The following CSMD3 variants were observed in gnomAD, a reference collection of about 807,000 sequenced individuals.
The protein encoded by CSMD3 is CUB and Sushi multiple domains 3.
CSMD3 carries 177 observed loss-of-function variants against 435.2 expected under a neutral mutation model. That is an observed-to-expected ratio of 0.41 (90% confidence interval 0.36 to 0.46). The LOEUF is 0.46. Ranked by LOEUF, CSMD3 falls within the 20% of genes least tolerant of loss-of-function variation. The probability of loss-of-function intolerance (pLI) is 0.34; values close to 1 mark genes in which losing one functional copy is unlikely to be tolerated. For synonymous variants in CSMD3, 1,656 were observed against 1,520.5 expected, an observed-to-expected ratio of 1.09 and a Z score of -2.07; for missense variants, 4,265 against 4,504.6, an observed-to-expected ratio of 0.95 and a Z score of 1.52.
chr8:112,645,054 A>G, intron 20 of CSMD3, 55 bp downstream of exon 20: 1 of 898,536 alleles, frequency 1.1e-6, no homozygotes, highest in Non-Finnish European at 1.9e-6. Context: ...AAATAAGAAT[A>G]GACTCAATGA....
rs557032105 is a variant in CSMD3, at chr8:112,336,793, G to A, written c.6878C>T (p.Thr2293Ile). The A allele has an allele frequency of 1.2e-6, 2 of 1,613,506 alleles. No individual in the cohort carries two copies. The highest frequency in any genetic ancestry group is 2.7e-5 in the African/African-American group (2 of 75,026). Reference sequence around the variant, plus strand: ...ATCAGGATACCCAGGAGAATAAATGGTGCCATTCATTGCAGTTATATTCCC... The same window carrying A: ...ATCAGGATACCCAGGAGAATAAATGATGCCATTCATTGCAGTTATATTCCC... ...CGGNITAMNGTIYSPGYPDEY... is the reference protein window; with the variant it reads ...CGGNITAMNGIIYSPGYPDEY... Residue 2293 changes from threonine (T) to isoleucine (I), a missense_variant, in exon 44 of 71, where the codon ACC (threonine) becomes ATC (isoleucine). Thr to Ile is a moderately conservative substitution (Grantham distance 89). Transcript: ENST00000297405.
chr8:112,880,219 T>A (rs967856534), intron 10 of CSMD3, among the ~76,000 whole-genome samples: 1 of 152,098 alleles, frequency 6.6e-6, no homozygotes, highest in South Asian at 2.1e-4. Flanking sequence ...TCTTTCTTTC[T>A]AGAAAAAATC....
At chr8:112,949,828 G>A (rs1400217598) in intron 8 of CSMD3, among the ~76,000 whole-genome samples, 1 of 151,942 alleles carries the variant, frequency 6.6e-6, no homozygotes, top group Admixed American at 6.6e-5. Context: ...CCCGTTGTCT[G>A]TTCGCTGTTC....
At chr8:112,323,629 A>G (rs993416862) in intron 45 of CSMD3, among the ~76,000 whole-genome samples, 3 of 152,098 alleles carry the variant, frequency 2.0e-5, no homozygotes, top group Admixed American at 2.0e-4. Context: ...AAGGAATGCC[A>G]AAGATTGCTT....
intron 6 of CSMD3, 179 bp downstream of exon 6, chr8:113,018,888 A>G (rs2086575278): frequency 1.6e-6 from 1 of 606,682 alleles, no homozygotes; most frequent in Admixed American, 2.8e-5. Flanking sequence ...AAAATCAACT[A>G]ACTTTAATAC....
intron 30 of CSMD3, among the ~76,000 whole-genome samples, chr8:112,495,765 G>A (rs1586515166): frequency 1.3e-5 from 2 of 152,028 alleles, no homozygotes; most frequent in East Asian, 3.9e-4. Flanking sequence ...CTGCTTAATA[G>A]TGATTTGCCT....
chr8:112,622,681 T>C (rs1337069463), intron 22 of CSMD3, among the ~76,000 whole-genome samples: 1 of 152,170 alleles, frequency 6.6e-6, no homozygotes, highest in Non-Finnish European at 1.5e-5. Flanking sequence ...GATGTAAAAG[T>C]AACGCAATGA....
intron 32 of CSMD3, among the ~76,000 whole-genome samples, chr8:112,445,762 C>A (rs1815532859): frequency 6.6e-6 from 1 of 152,076 alleles, no homozygotes; most frequent in African/African-American, 2.4e-5. Context: ...GTGGTACAGC[C>A]TAAAAGCAAC....
chr8:112,866,774 T>A (rs1279959876), intron 10 of CSMD3, among the ~76,000 whole-genome samples: 1 of 152,200 alleles, frequency 6.6e-6, no homozygotes, highest in East Asian at 1.9e-4. Context: ...TAAACTATAA[T>A]TCTTCTGCTG....
At chr8:112,800,058 TGTTCTGCAAA>T in intron 13 of CSMD3, 94 bp downstream of exon 13, 1 of 748,128 alleles carries the variant, frequency 1.3e-6, no homozygotes, top group South Asian at 1.4e-5. Context: ...ATGTAGCATG[TGTTCTGCAAA>T]ACTTTTAATT....
At chr8:112,265,660 T>C (rs2130418964) in intron 59 of CSMD3, 70 bp from the exon 60 acceptor site, 4 of 1,010,042 alleles carry the variant, frequency 4.0e-6, no homozygotes, top group Non-Finnish European at 6.3e-6. Context: ...GTAGTAAGCA[T>C]ATGGCATACT....
intron 10 of CSMD3, among the ~76,000 whole-genome samples, chr8:112,862,383 G>T (rs2080851753): frequency 1.3e-5 from 2 of 151,868 alleles, no homozygotes; most frequent in Admixed American, 1.3e-4. Context: ...GTACATATAG[G>T]TTTTTTTCTT....
At chr8:112,970,381 G>A (rs1344873429) in intron 7 of CSMD3, among the ~76,000 whole-genome samples, 1 of 126,982 alleles carries the variant, frequency 7.9e-6, no homozygotes, top group Admixed American at 1.0e-4. Context: ...GGGTGACAGA[G>A]CTAGACTCCC....
chr8:112,671,817 A>G (rs972459978), intron 16 of CSMD3, among the ~76,000 whole-genome samples: 4 of 152,148 alleles, frequency 2.6e-5, no homozygotes, highest in African/African-American at 9.7e-5. Context: ...TGGTTTAGTG[A>G]AGACAGAAAT....
At chr8:112,808,989 T>C (rs1031488807) in intron 12 of CSMD3, among the ~76,000 whole-genome samples, 8 of 152,134 alleles carry the variant, frequency 5.3e-5, no homozygotes, top group African/African-American at 1.7e-4. Context: ...GATTAGGCAA[T>C]ATACTGGATA....
At chr8:112,464,401 T>G (rs1040779477) in intron 32 of CSMD3, among the ~76,000 whole-genome samples, 11 of 152,088 alleles carry the variant, frequency 7.2e-5, no homozygotes, top group Non-Finnish European at 1.0e-4. Flanking sequence ...TTCTTAAACC[T>G]TATAAAGCAA....
chr8:113,361,248 T>C (rs967173187), intron 1 of CSMD3, among the ~76,000 whole-genome samples: 3 of 152,166 alleles, frequency 2.0e-5, no homozygotes, highest in Non-Finnish European at 4.4e-5. Context: ...TGTTACACTT[T>C]TGCATTTTAA....
rs1214382466 is a variant in CSMD3 at position 113,098,939 on chromosome 8, A to G, written c.734T>C (p.Met245Thr). ...CRAEDACGGT[M>T]RGSSGIISSP... The stretch of plus-strand genomic sequence containing the variant: ...GGATATGATGCCACTGGATCCTCTC[A>G]TTGTTCCTCCACAAGCATCTTCAGC... Residue 245 changes from methionine (M) to threonine (T), a missense_variant, in exon 5 of 71, where the codon ATG becomes ACG. Physicochemically the swap from Met to Thr is moderately conservative, Grantham distance 81. Around this residue, in one of 3 missense-constraint regions of CSMD3, gnomAD observed 731 missense variants for 755.4 expected, o/e 0.97. Coordinates refer to ENST00000297405, the MANE Select transcript of CSMD3 (RefSeq NM_198123.2). 12 of 1,611,112 alleles carry G rather than the reference A, an allele frequency of 7.4e-6. No homozygotes were observed. Among genetic ancestry groups the G allele is most frequent in the Non-Finnish European group, 9.3e-6 (11 of 1,177,576 alleles).
At chr8:112,369,053 A>C (rs2131164546) in intron 38 of CSMD3, among the ~76,000 whole-genome samples, 1 of 152,244 alleles carries the variant, frequency 6.6e-6, no homozygotes, top group South Asian at 2.1e-4. Context: ...GAAGAATCTA[A>C]GCAGTCATTC....
Sources: allele counts gnomAD v4.1 joint callset (sites outside exome capture counted in the v4.1 genomes callset), GRCh38; gene constraint gnomAD v4.1.1; regional missense constraint gnomAD v4.1.1; transcripts MANE v1.5; gene names NCBI Gene and HGNC (gene_info 2026-07-23, HGNC 2026-07-21).